EFCAB6: variants seen among roughly 807,000 people sequenced by gnomAD.
EFCAB6 encodes EF-hand calcium-binding domain-containing protein 6.
In EFCAB6, 156 loss-of-function variants were observed where a neutral mutation model predicts 169.8. That is an observed-to-expected ratio of 0.92 (90% CI 0.81 to 1.05). The LOEUF is 1.05. EFCAB6 is among the 50% of genes least tolerant of loss of function. EFCAB6 has a pLI of 0.00. For synonymous variants in EFCAB6, 698 were observed against 676.4 expected (o/e 1.03, Z -0.50); for missense variants, 1,800 against 1,829.1 (o/e 0.98, Z 0.29).
chr22:43,629,998 G>A (rs2054817276), intron 19 of EFCAB6, among the ~76,000 whole-genome samples: 1 of 152,162 alleles, frequency 6.6e-6, no homozygotes, highest in Non-Finnish European at 1.5e-5. Flanking sequence ...AATCCTATTT[G>A]TTTCTAAAAG....
intron 30 of EFCAB6, among the ~76,000 whole-genome samples, chr22:43,532,711 C>T (rs1336870484): frequency 1.3e-5 from 2 of 151,976 alleles, no homozygotes; most frequent in Non-Finnish European, 2.9e-5. Flanking sequence ...AAGAAACTTT[C>T]TGCATGGCAT....
rs188949633 is a variant in EFCAB6, at chr22:43,746,689, C to T, written c.507+9077G>A. ...ACTGTGGGAGGCTGAGGCAAGAGGA[C>T]TGCTTGAGGCTAGGAGTTCAAGACT... On this transcript the variant is annotated intron_variant, in intron 6 of 31. Coordinates refer to ENST00000262726, the MANE Select transcript of EFCAB6 (RefSeq NM_022785.4). 2.0e-5 allele frequency among the ~76,000 whole-genome samples: 3 copies of T among 152,258 alleles called. No individual in the cohort carries two copies. In the East Asian group the frequency reaches 5.8e-4, roughly 29 times the overall value.
At chr22:43,782,935 C>T (rs144659682) in intron 2 of EFCAB6, among the ~76,000 whole-genome samples, 16 of 150,464 alleles carry the variant, frequency 1.1e-4, no homozygotes, top group South Asian at 4.4e-4. Flanking sequence ...TTCTCCCTCA[C>T]CTGCCTCCCC....
At position 43,668,942 on chromosome 22, in the gene EFCAB6, C is replaced by A. The variant is rs372146664; in HGVS notation, c.1744G>T (p.Val582Phe). Residue 582 changes from valine to phenylalanine, a missense_variant, in exon 16 of 32, where the codon GTT becomes TTT. Transcript: ENST00000262726. The stretch of plus-strand genomic sequence containing the variant: ...TCACTTAACAGCTGATCCTTTGGAA[C>A]AAGAACTGGAGAGACAGTGGGTGGG... ...DGPPTVSPVL[V>F]PKDQLLSEHL... The A allele has an allele frequency of 6.2e-7, 1 of 1,613,088 alleles. No individual in the cohort carries two copies. The highest frequency in any genetic ancestry group is 1.3e-5 in the African/African-American group (1 of 74,900).
Position 43,540,214 on chromosome 22 carries a change from G to A in EFCAB6, c.3792C>T (p.Val1264=). ...DSAVAQRGSS[V]PDVSEGTRSA... is the part of the protein sequence containing the mutation. ...ATCTGGTGCCTTCCGAGACGTCAGG[G>A]ACACTGCTCCCTCTCTGGGCCACGG... The change falls in exon 28 of 32, where the codon GTC becomes GTT. Residue 1264 remains valine, a synonymous_variant. Coordinates refer to ENST00000262726, the MANE Select transcript of EFCAB6 (RefSeq NM_022785.4). 6.2e-7 allele frequency: 1 copy of A among 1,614,224 alleles called. No homozygotes were observed.
intron 22 of EFCAB6, among the ~76,000 whole-genome samples, chr22:43,604,278 T>C (rs1406394407): frequency 6.6e-6 from 1 of 152,198 alleles, no homozygotes; most frequent in African/African-American, 2.4e-5. Context: ...AAAGGGCATA[T>C]TCAGTATGTT....
chr22:43,683,585 T>A (rs1349891149), intron 12 of EFCAB6, 162 bp downstream of exon 12: 2 of 610,106 alleles, frequency 3.3e-6, no homozygotes, highest in Non-Finnish European at 5.8e-6. Flanking sequence ...GGGGCTTCTA[T>A]CCCTAAGTGC....
intron 16 of EFCAB6, among the ~76,000 whole-genome samples, chr22:43,668,107 T>C (rs990833143): frequency 1.3e-5 from 2 of 152,248 alleles, no homozygotes; most frequent in Admixed American, 1.3e-4. Flanking sequence ...ACCATCTTTA[T>C]GCCCATTTAT....
At chr22:43,540,943 G>A (rs1454376546) in intron 27 of EFCAB6, among the ~76,000 whole-genome samples, 1 of 151,492 alleles carries the variant, frequency 6.6e-6, no homozygotes, top group Non-Finnish European at 1.5e-5. Flanking sequence ...GCCACAGACT[G>A]TATCAAAACC....
At chr22:43,778,359 A>G (rs955944936) in intron 3 of EFCAB6, among the ~76,000 whole-genome samples, 1 of 152,214 alleles carries the variant, frequency 6.6e-6, no homozygotes, top group African/African-American at 2.4e-5. Flanking sequence ...CCAGCATGGC[A>G]CACGAGGTTT....
chr22:43,670,365 G>A (rs1220855131), intron 15 of EFCAB6, among the ~76,000 whole-genome samples: 2 of 152,142 alleles, frequency 1.3e-5, no homozygotes, highest in Non-Finnish European at 2.9e-5. Context: ...GAGAACCACT[G>A]ACCCAGGGCA....
intron 26 of EFCAB6, among the ~76,000 whole-genome samples, chr22:43,567,686 T>C (rs2049536678): frequency 6.6e-6 from 1 of 152,150 alleles, no homozygotes; most frequent in Non-Finnish European, 1.5e-5. Context: ...AAAGAATGTT[T>C]CTACCTCTCT....
chr22:43,727,901 CT>C (rs1192979588), intron 8 of EFCAB6, among the ~76,000 whole-genome samples: 1 of 140,842 alleles, frequency 7.1e-6, no homozygotes, highest in Non-Finnish European at 1.6e-5. Context: ...TTTTTTTTTT[CT>C]TTTTAAATTA....
At chr22:43,617,233 T>A (rs781593055) in intron 20 of EFCAB6, among the ~76,000 whole-genome samples, 10 of 152,250 alleles carry the variant, frequency 6.6e-5, no homozygotes, top group Non-Finnish European at 1.5e-5. Context: ...TTAAAAGGAC[T>A]GTAAGTCCTA....
At chr22:43,544,889 G>A (rs771771643) in intron 27 of EFCAB6, among the ~76,000 whole-genome samples, 5 of 152,064 alleles carry the variant, frequency 3.3e-5, no homozygotes, top group Admixed American at 3.3e-4. Flanking sequence ...TTGGGAGGCC[G>A]AGGCAGGCAG....
chr22:43,730,638 G>A (rs1263812548), intron 8 of EFCAB6, among the ~76,000 whole-genome samples: 1 of 152,072 alleles, frequency 6.6e-6, no homozygotes, highest in Non-Finnish European at 1.5e-5. Context: ...TATGTGCCAC[G>A]GAGAGATGCC....
intron 6 of EFCAB6, among the ~76,000 whole-genome samples, chr22:43,739,944 T>C (rs1330410621): frequency 6.6e-6 from 1 of 152,084 alleles, no homozygotes; most frequent in Non-Finnish European, 1.5e-5. Flanking sequence ...TTCCACTCGC[T>C]GTGACCCACC....
Position 43,537,067 on chromosome 22 carries a change from G to T in EFCAB6, c.4048+310C>A. ...TCCTCCACCTTTTCCATTTCCTTCT[G>T]CAGTCAGAGTCTGTGAACATTCACA... On this transcript the variant is annotated intron_variant, in intron 29 of 31. Transcript: ENST00000262726. This position sits in a 1 kb window ranked among gnomAD's most constrained non-coding sequence, Gnocchi z 4.3. 1 of 235,858 alleles carries T rather than the reference G, an allele frequency of 4.2e-6. No individual in the cohort carries two copies. Among genetic ancestry groups the T allele is most frequent in the Non-Finnish European group, 8.2e-6 (1 of 122,352 alleles). 14.6% of individuals were successfully genotyped at this position (235,858 alleles called of 1,614,324 possible). A position where few individuals can be genotyped will look rare whatever the true frequency, so the allele number is the denominator to read the frequency against.
rs76096356 is a variant in EFCAB6, at chr22:43,679,273, T to C, written c.1252-1110A>G. Among the ~76,000 whole-genome samples, 225 of 152,344 alleles carry C rather than the reference T, an allele frequency of 1.5e-3. 1 individual carries two copies. Among genetic ancestry groups the C allele is most frequent in the Non-Finnish European group, 2.5e-3 (172 of 68,022 alleles). Reference sequence around the variant, plus strand: ...TACATGGTTTCCTGCATCTGGCTTCTTTCTCCTAACATAGTGTTTTTGAGG... The same window carrying C: ...TACATGGTTTCCTGCATCTGGCTTCCTTCTCCTAACATAGTGTTTTTGAGG... On this transcript the variant is annotated intron_variant, in intron 12 of 31. Transcript: ENST00000262726.
Sources: gnomAD v4.1 joint callset for allele counts (sites outside exome capture counted in the v4.1 genomes callset) on GRCh38, gnomAD v4.1.1 for gene constraint, Gnocchi (gnomAD v3.1) non-coding constraint, MANE v1.5 for transcripts, NCBI Gene and HGNC (gene_info 2026-07-23, HGNC 2026-07-21) for gene names.